The following PKNOX1 variants were observed in gnomAD, a reference collection of about 807,000 sequenced individuals.
PKNOX1 encodes homeobox protein PKNOX1.
PKNOX1 carries 15 observed loss-of-function variants against 51.9 expected under a neutral mutation model. The observed-to-expected ratio is 0.29, with a 90% CI of 0.19 to 0.45. The LOEUF is 0.45. PKNOX1 is among the 20% of genes least tolerant of loss of function. The probability of loss-of-function intolerance (pLI) is 1.00; values close to 1 mark genes in which losing one functional copy is unlikely to be tolerated. For missense variants in PKNOX1, 462 were observed against 547.5 expected, an observed-to-expected ratio of 0.84 and a Z score of 1.56; for synonymous variants, 219 against 211.1, an observed-to-expected ratio of 1.04 and a Z score of -0.32.
chr21:43,019,179 G>A (rs1182131766), intron 7 of PKNOX1, among the ~76,000 whole-genome samples: 1 of 151,844 alleles, frequency 6.6e-6, no homozygotes, highest in African/African-American at 2.4e-5. Flanking sequence ...GATCTCTTGA[G>A]GTTAGGAGTT....
At chr21:42,988,742 G>T (rs1460500657) in intron 1 of PKNOX1, among the ~76,000 whole-genome samples, 1 of 152,138 alleles carries the variant, frequency 6.6e-6, no homozygotes, top group Non-Finnish European at 1.5e-5. Flanking sequence ...GGACAGCAGG[G>T]CAGGCTCCTT....
chr21:42,979,177 C>T (rs930995874), intron 1 of PKNOX1, among the ~76,000 whole-genome samples: 4 of 152,182 alleles, frequency 2.6e-5, no homozygotes, highest in Admixed American at 6.5e-5. Context: ...CTCGTCCTTC[C>T]GAAGTGTTGG....
At position 43,030,272 on chromosome 21, in the gene PKNOX1, TGTGTGTGTGTGTGTGTGTGTGC is replaced by T. The variant is rs1980201938; in HGVS notation, c.*179_*200del. 2.1e-5 allele frequency: 3 copies of T among 146,162 alleles called. No homozygotes were observed. The highest frequency in any genetic ancestry group is 1.2e-4 in the South Asian group (1 of 8,682). 9.1% of individuals were successfully genotyped at this position (146,162 alleles called of 1,614,324 possible). On this transcript the variant is annotated 3_prime_UTR_variant, in exon 11 of 11. Transcript: ENST00000291547. ...GCGACTTCTTTCAAGTGTGTGTGTGTGTGTGTGTGTGTGTGTGTGTGCGTGTGTGCGTGTGTGTGGATTTTTA... is the reference window on the plus strand; with the variant it reads ...GCGACTTCTTTCAAGTGTGTGTGTGTGTGTGTGCGTGTGTGTGGATTTTTA...
At chr21:43,009,276 T>C (rs2146268609) in intron 3 of PKNOX1, among the ~76,000 whole-genome samples, 2 of 27,986 alleles carry the variant, frequency 7.1e-5, no homozygotes, top group Admixed American at 4.9e-4. Flanking sequence ...GGAGAAACCC[T>C]GTCTCTAAAG....
chr21:43,006,501 T>C (rs77510047), intron 2 of PKNOX1, among the ~76,000 whole-genome samples: 1 of 143,434 alleles, frequency 7.0e-6, no homozygotes, highest in Non-Finnish European at 1.6e-5. Context: ...ATTGCTTTTA[T>C]TTTTTTTTTT....
chr21:42,983,873 T>C lies in PKNOX1; in HGVS notation c.-57+9209T>C, dbSNP rs983429974. 1.3e-4 allele frequency among the ~76,000 whole-genome samples: 20 copies of C among 152,318 alleles called. 1 individual carries two copies. Among genetic ancestry groups the C allele is most frequent in the Admixed American group, 1.2e-3 (19 of 15,294 alleles). On this transcript the variant is annotated intron_variant, in intron 1 of 10. Coordinates refer to ENST00000291547, the MANE Select transcript of PKNOX1 (RefSeq NM_004571.5). Reference sequence around the variant, plus strand: ...TACCCAACACTTATTTTCTTATGTGTTGTTGCTTTTTTTAATAGCAGCCAT... The same window carrying C: ...TACCCAACACTTATTTTCTTATGTGCTGTTGCTTTTTTTAATAGCAGCCAT...
chr21:43,028,837 C>T lies in PKNOX1; in HGVS notation c.1062C>T (p.Val354=), dbSNP rs1037247276. ...RFWPDSIASG[V]AQPPPSELTM... is the part of the protein sequence containing the mutation. The stretch of plus-strand genomic sequence containing the variant: ...GGCCTGATTCTATTGCATCAGGAGT[C>T]GCACAGCCACCGCCGAGCGAGCTCA... The change falls in exon 10 of 11, where the codon GTC becomes GTT. Residue 354 remains valine, a synonymous_variant. Transcript: ENST00000291547. The T allele has an allele frequency of 8.7e-6, 14 of 1,614,120 alleles. No individual in the cohort carries two copies. Among genetic ancestry groups the T allele is most frequent in the African/African-American group, 1.3e-5 (1 of 75,038 alleles).
chr21:43,015,512 ATATTT>A (rs1469223911), intron 5 of PKNOX1, among the ~76,000 whole-genome samples: 1 of 152,090 alleles, frequency 6.6e-6, no homozygotes, highest in African/African-American at 2.4e-5. Context: ...ATTTTTGTCT[ATATTT>A]GTAAGGGATA....
Position 43,021,564 on chromosome 21 carries a change from G to A in PKNOX1, c.849+133G>A. The A allele has an allele frequency of 9.1e-7, 1 of 1,099,342 alleles. No individual in the cohort carries two copies. Among genetic ancestry groups the A allele is most frequent in the Non-Finnish European group, 1.3e-6 (1 of 784,078 alleles). The allele number at this position is 1,099,342 out of a possible 1,614,324, so 68.1% of individuals were successfully genotyped here. On this transcript the variant is annotated intron_variant, in intron 8 of 10. Coordinates refer to ENST00000291547, the MANE Select transcript of PKNOX1 (RefSeq NM_004571.5). This position sits in a 1 kb window ranked among gnomAD's most constrained non-coding sequence, Gnocchi z 4.6. ...CCTGACTTTCAGGACTTTGTGGCAT[G>A]TCCATAATGTGGGGAGCGTGGGGCA...
At chr21:43,015,888 T>C (rs1979469064) in intron 5 of PKNOX1, among the ~76,000 whole-genome samples, 1 of 152,196 alleles carries the variant, frequency 6.6e-6, no homozygotes, top group South Asian at 2.1e-4. Context: ...TTATTGATTT[T>C]TTTGGTTGTT....
intron 8 of PKNOX1, chr21:43,024,605 C>T (rs1379122503): frequency 2.5e-5 from 10 of 402,366 alleles, no homozygotes; most frequent in South Asian, 1.2e-4. Flanking sequence ...CTCATGATGT[C>T]GCTGCTGTTA....
intron 1 of PKNOX1, among the ~76,000 whole-genome samples, chr21:42,992,558 C>T (rs968001967): frequency 4.6e-5 from 7 of 152,170 alleles, no homozygotes; most frequent in African/African-American, 1.4e-4. Flanking sequence ...TCAGCTGGGA[C>T]GACTCAGCGG....
At chr21:42,992,743 C>G (rs13046564) in intron 1 of PKNOX1, among the ~76,000 whole-genome samples, 1 of 141,388 alleles carries the variant, frequency 7.1e-6, no homozygotes, top group African/African-American at 2.6e-5. Context: ...CCTCACAGCA[C>G]TGGGGGGTTC....
chr21:43,010,272 T>C (rs1471394618), intron 4 of PKNOX1, 48 bp downstream of exon 4: 3 of 1,147,986 alleles, frequency 2.6e-6, no homozygotes. Context: ...TGAAATCTGT[T>C]CATGAAATTT....
intron 8 of PKNOX1, among the ~76,000 whole-genome samples, chr21:43,023,170 T>C (rs1357585963): frequency 6.6e-6 from 1 of 151,952 alleles, no homozygotes; most frequent in Non-Finnish European, 1.5e-5. Flanking sequence ...TCTGCTTGTG[T>C]GCTCGTGTTT....
At chr21:43,010,978 C>T (rs1036898787) in intron 4 of PKNOX1, among the ~76,000 whole-genome samples, 8 of 151,820 alleles carry the variant, frequency 5.3e-5, no homozygotes, top group South Asian at 2.1e-4. Context: ...CTGGGGTGTT[C>T]GGGTGGCATG....
rs1980272317 is a variant in PKNOX1 at position 43,031,588 on chromosome 21, A to G, written c.*1487A>G. On this transcript the variant is annotated 3_prime_UTR_variant, in exon 11 of 11. Transcript: ENST00000291547. ...CTCAGAAAACAGGCCACGGTGTTTC[A>G]TACAGAATGTCTTCATATCATCTGA... is the stretch of plus-strand genomic sequence containing the variant. 1 of 152,268 alleles carries G rather than the reference A, an allele frequency of 6.6e-6. No homozygotes were observed. Among genetic ancestry groups the G allele is most frequent in the African/African-American group, 2.4e-5 (1 of 41,446 alleles). The allele number at this position is 152,268 out of a possible 1,614,324, so 9.4% of individuals were successfully genotyped here. A position where few individuals can be genotyped will look rare whatever the true frequency, so the allele number is the denominator to read the frequency against.
At chr21:42,977,391 C>T (rs1443610654) in intron 1 of PKNOX1, among the ~76,000 whole-genome samples, 4 of 152,152 alleles carry the variant, frequency 2.6e-5, no homozygotes, top group Non-Finnish European at 2.9e-5. Flanking sequence ...TTTCGTCTCG[C>T]TGCCTTCATC....
intron 10 of PKNOX1, among the ~76,000 whole-genome samples, chr21:43,029,194 G>T (rs74748949): frequency 0.018 from 2,669 of 152,114 alleles, 32 homozygotes; most frequent in Non-Finnish European, 0.027. Context: ...TCCCTCCGAC[G>T]CCGGGTGTGG....
Sources: allele counts gnomAD v4.1 joint callset (sites outside exome capture counted in the v4.1 genomes callset), GRCh38; gene constraint gnomAD v4.1.1; non-coding constraint Gnocchi (gnomAD v3.1); transcripts MANE v1.5; gene names NCBI Gene and HGNC (gene_info 2026-07-23, HGNC 2026-07-21).